The following DAB1 variants were observed in gnomAD, a reference collection of about 807,000 sequenced individuals.
The protein encoded by DAB1 is DAB adaptor protein 1, also known as disabled homolog 1.
DAB1 carries 15 observed loss-of-function variants against 64.6 expected under a neutral mutation model. That is an observed-to-expected ratio of 0.23 (90% CI 0.16 to 0.36). The LOEUF (loss-of-function observed/expected upper bound fraction) is 0.36. Ranked by LOEUF, DAB1 falls within the 10% of genes least tolerant of loss-of-function variation. The pLI is 1.00. For missense variants in DAB1, 596 were observed against 706.7 expected (o/e 0.84, Z 1.78); for synonymous variants, 235 against 251.9 (o/e 0.93, Z 0.64).
rs1645681366 is a variant in DAB1, at chr1:56,997,664, T to C, written c.*480A>G. On this transcript the variant is annotated 3_prime_UTR_variant, in exon 15 of 15. Coordinates refer to ENST00000371236, the MANE Select transcript of DAB1 (RefSeq NM_001365792.1). The stretch of plus-strand genomic sequence containing the variant: ...AGGCATATGGATGACGATATTGTGG[T>C]CACAGAAGACCCTTTGCTTTTGCTT... 6.6e-6 allele frequency: 1 copy of C among 152,190 alleles called. No homozygotes were observed. The highest frequency in any genetic ancestry group is 2.4e-5 in the African/African-American group (1 of 41,436). The allele number at this position is 152,190 out of a possible 1,614,324, so 9.4% of individuals were successfully genotyped here. A position where few individuals can be genotyped will look rare whatever the true frequency, so the allele number is the denominator to read the frequency against.
chr1:57,160,057 C>A (rs555564336), intron 2 of DAB1, among the ~76,000 whole-genome samples: 1 of 152,232 alleles, frequency 6.6e-6, no homozygotes, highest in Non-Finnish European at 1.5e-5. Flanking sequence ...TGCTTACCCA[C>A]AGCCTAAGGA....
At chr1:57,453,875 A>T (rs1301984105) in intron 7 of DAB1, among the ~76,000 whole-genome samples, 2 of 142,478 alleles carry the variant, frequency 1.4e-5, no homozygotes, top group East Asian at 3.9e-4. Context: ...ATGAAAGAAG[A>T]AAAAAGAAGA....
At chr1:57,348,844 C>T (rs1415627463) in intron 1 of DAB1, among the ~76,000 whole-genome samples, 2 of 152,110 alleles carry the variant, frequency 1.3e-5, no homozygotes, top group African/African-American at 2.4e-5. Flanking sequence ...TTTATTTCTC[C>T]AACAAGACTC....
intron 4 of DAB1, among the ~76,000 whole-genome samples, chr1:58,274,559 GTT>G (rs1661385206): frequency 7.0e-6 from 1 of 143,124 alleles, no homozygotes; most frequent in African/African-American, 2.6e-5. Flanking sequence ...TGGCTGCTTT[GTT>G]TACCTAAGCA....
intron 3 of DAB1, among the ~76,000 whole-genome samples, chr1:58,385,625 A>G (rs934030143): frequency 6.6e-6 from 1 of 152,234 alleles, no homozygotes; most frequent in African/African-American, 2.4e-5. Flanking sequence ...ACAGTTTATA[A>G]GGTGCTTTCA....
intron 5 of DAB1, among the ~76,000 whole-genome samples, chr1:57,930,976 A>T (rs1557562377): frequency 6.6e-6 from 1 of 152,156 alleles, no homozygotes; most frequent in African/African-American, 2.4e-5. Context: ...ATTAAGTATC[A>T]TGTTAGTTGT....
At chr1:58,544,005 T>C (rs1446729999) in intron 1 of DAB1, among the ~76,000 whole-genome samples, 3 of 152,166 alleles carry the variant, frequency 2.0e-5, no homozygotes, top group Non-Finnish European at 4.4e-5. Flanking sequence ...TACAGGTTTG[T>C]AGGGTCCAGG....
chr1:57,755,978 G>A (rs1038703597), intron 6 of DAB1, among the ~76,000 whole-genome samples: 2 of 152,200 alleles, frequency 1.3e-5, no homozygotes, highest in Admixed American at 1.3e-4. Context: ...GCTGCATCAT[G>A]TGGCAAAGAA....
At chr1:57,610,356 C>T (rs1251373265) in intron 7 of DAB1, among the ~76,000 whole-genome samples, 1 of 152,172 alleles carries the variant, frequency 6.6e-6, no homozygotes, top group Non-Finnish European at 1.5e-5. Flanking sequence ...GCACTGTACA[C>T]ATGTTGATTC....
At chr1:58,311,043 G>C (rs1430477985) in intron 4 of DAB1, among the ~76,000 whole-genome samples, 1 of 152,074 alleles carries the variant, frequency 6.6e-6, no homozygotes, top group Non-Finnish European at 1.5e-5. Flanking sequence ...CCCAGTTTTA[G>C]CAAAGAATCC....
At chr1:57,519,057 CT>C (rs1336335242) in intron 7 of DAB1, among the ~76,000 whole-genome samples, 1 of 152,108 alleles carries the variant, frequency 6.6e-6, no homozygotes, top group African/African-American at 2.4e-5. Context: ...AAGAGCCTGC[CT>C]GTTGAATGAA....
intron 7 of DAB1, among the ~76,000 whole-genome samples, chr1:57,634,462 T>C (rs1463526457): frequency 1.3e-5 from 2 of 152,186 alleles, no homozygotes; most frequent in Non-Finnish European, 2.9e-5. Flanking sequence ...GCAAATATAA[T>C]AGTATGCATA....
At chr1:57,323,443 C>T (rs1357261350) in intron 1 of DAB1, among the ~76,000 whole-genome samples, 3 of 152,178 alleles carry the variant, frequency 2.0e-5, no homozygotes, top group Non-Finnish European at 4.4e-5. Context: ...ACAAAATCAA[C>T]ACATAGGGCC....
At chr1:57,918,062 C>T (rs529084995) in intron 5 of DAB1, among the ~76,000 whole-genome samples, 9 of 120,094 alleles carry the variant, frequency 7.5e-5, no homozygotes, top group East Asian at 2.7e-4. Context: ...AGTGAGACTC[C>T]GTCTCAATAA....
chr1:58,047,814 A>G (rs975993157), intron 5 of DAB1: 3 of 231,578 alleles, frequency 1.3e-5, no homozygotes, highest in Admixed American at 5.2e-5. Flanking sequence ...GCATCCAAGA[A>G]AAAGGAAACA....
intron 5 of DAB1, among the ~76,000 whole-genome samples, chr1:58,038,201 C>A (rs1647076460): frequency 6.6e-6 from 1 of 152,044 alleles, no homozygotes; most frequent in Non-Finnish European, 1.5e-5. Flanking sequence ...GTATAGGAGA[C>A]AATTGATGTG....
Position 57,010,774 on chromosome 1 carries a change from G to A in DAB1, c.1589C>T (p.Ala530Val). 6.3e-7 allele frequency: 1 copy of A among 1,581,972 alleles called. No homozygotes were observed. The highest frequency in any genetic ancestry group is 8.6e-7 in the Non-Finnish European group (1 of 1,162,732). Residue 530 changes from alanine (A) to valine (V), a missense_variant, in exon 14 of 15, where the codon GCC becomes GTC. Physicochemically the swap from Ala to Val is moderately conservative, Grantham distance 64. Coordinates refer to ENST00000371236, the MANE Select transcript of DAB1 (RefSeq NM_001365792.1). ...ACCAAATGGATCACTGTTGGATGAG[G>A]CCTGTGATCCATCAGGCTAGAACAC... ...EEQEAPDGSQ[A>V]SSNSDPFGEP...
At chr1:57,121,036 A>C (rs1376367511) in intron 4 of DAB1, among the ~76,000 whole-genome samples, 1 of 151,988 alleles carries the variant, frequency 6.6e-6, no homozygotes, top group East Asian at 1.9e-4. Context: ...AGTCAGCCAG[A>C]TAAAGGAAGG....
At position 57,584,370 on chromosome 1, in the gene DAB1, T is replaced by C. The variant is rs554370735; in HGVS notation, n.625+65222A>G. ...TTTAAATTTAATTTGGCTGATGTTT[T>C]TCTTTTATCAAATCACAGGGCTGGT... On this transcript the variant is annotated intron_variant and non_coding_transcript_variant, in intron 7 of 20. Transcript: ENST00000485760. 7.9e-5 allele frequency among the ~76,000 whole-genome samples: 12 copies of C among 152,362 alleles called. No homozygotes were observed. In the East Asian group the frequency reaches 2.3e-3, roughly 29 times the overall value.
Sources: allele counts gnomAD v4.1 joint callset (sites outside exome capture counted in the v4.1 genomes callset), GRCh38; gene constraint gnomAD v4.1.1; transcripts MANE v1.5; gene names NCBI Gene and HGNC (gene_info 2026-07-23, HGNC 2026-07-21).